NCOA2: variants seen among roughly 807,000 people sequenced by gnomAD.
NCOA2 encodes class E basic helix-loop-helix protein 75.
In NCOA2, 21 loss-of-function variants were observed where a neutral mutation model predicts 145.1. The ratio of observed to expected loss-of-function variants is 0.14; its 90% confidence interval spans 0.10 to 0.21. The LOEUF (loss-of-function observed/expected upper bound fraction) is 0.21. Ranked by LOEUF, NCOA2 falls within the 10% of genes least tolerant of loss-of-function variation. The probability of loss-of-function intolerance (pLI) is 1.00; values close to 1 mark genes in which losing one functional copy is unlikely to be tolerated. For synonymous variants in NCOA2, 619 were observed against 637.5 expected (o/e 0.97, Z 0.44); for missense variants, 1,472 against 1,837.6 (o/e 0.80, Z 3.64).
At chr8:70,453,128 T>C in the NCOA2 span, among the ~76,000 whole-genome samples, 6 of 152,250 alleles carry the variant, frequency 3.9e-5, no homozygotes, top group Middle Eastern at 3.2e-3. Context: ...GAGGAGCCTA[T>C]TCGCCTAATG....
At chr8:70,307,379 C>A (rs910777502) in intron 1 of NCOA2, among the ~76,000 whole-genome samples, 9 of 152,070 alleles carry the variant, frequency 5.9e-5, no homozygotes, top group African/African-American at 2.2e-4. Flanking sequence ...AGGTGGGAGA[C>A]AGCTAGGAAA....
intron 2 of NCOA2, among the ~76,000 whole-genome samples, chr8:70,251,673 G>T (rs1476889323): frequency 6.6e-6 from 1 of 152,184 alleles, no homozygotes; most frequent in Non-Finnish European, 1.5e-5. Flanking sequence ...AATGCCAAAG[G>T]CTCAGAGAAA....
rs186149029 is a variant in NCOA2, at chr8:70,376,096, G to A, written c.-77+27604C>T. 9.4e-3 allele frequency among the ~76,000 whole-genome samples: 1,423 copies of A among 152,178 alleles called. 22 individuals carry two copies. Among genetic ancestry groups the A allele is most frequent in the African/African-American group, 0.032 (1,321 of 41,508 alleles). On this transcript the variant is annotated intron_variant, in intron 1 of 22. Coordinates refer to ENST00000452400, the MANE Select transcript of NCOA2 (RefSeq NM_006540.4). Reference sequence around the variant, plus strand: ...AACACTGTCTGAGAGTCGTTATTCCGTAATACACCAGTAGTAAAGAAGACA... The same window carrying A: ...AACACTGTCTGAGAGTCGTTATTCCATAATACACCAGTAGTAAAGAAGACA...
intron 2 of NCOA2, among the ~76,000 whole-genome samples, chr8:70,271,063 T>G (rs1586320934): frequency 6.6e-6 from 1 of 152,196 alleles, no homozygotes; most frequent in Admixed American, 6.5e-5. Flanking sequence ...TAATATGCAA[T>G]AGAGGGGAAG....
At chr8:70,153,967 C>G (rs1282037219) in intron 11 of NCOA2, among the ~76,000 whole-genome samples, 3 of 152,242 alleles carry the variant, frequency 2.0e-5, no homozygotes, top group East Asian at 1.9e-4. Flanking sequence ...TAGCAGCTGT[C>G]GAGACATCAA....
chr8:70,165,566 T>C (rs1813514546), intron 7 of NCOA2, among the ~76,000 whole-genome samples: 1 of 152,336 alleles, frequency 6.6e-6, no homozygotes, highest in South Asian at 2.1e-4. Context: ...CTGCCTTGTA[T>C]TAGAGTGACA....
intron 1 of NCOA2, among the ~76,000 whole-genome samples, chr8:70,384,810 A>G (rs1036198122): frequency 6.6e-6 from 1 of 152,224 alleles, no homozygotes; most frequent in African/African-American, 2.4e-5. Flanking sequence ...ACAGGAATGT[A>G]ACAGGGACAG....
the NCOA2 span, among the ~76,000 whole-genome samples, chr8:70,444,772 G>A: frequency 6.6e-6 from 1 of 152,268 alleles, no homozygotes; most frequent in East Asian, 1.9e-4. Context: ...ATAGAATGCA[G>A]ATCTTTGAAA....
chr8:70,435,640 A>C, the NCOA2 span, among the ~76,000 whole-genome samples: 2 of 151,038 alleles, frequency 1.3e-5, no homozygotes, highest in Non-Finnish European at 2.9e-5. Context: ...ACACATGTAA[A>C]ATACCTAGCA....
At chr8:70,252,421 A>C (rs1465331713) in intron 2 of NCOA2, among the ~76,000 whole-genome samples, 3 of 152,210 alleles carry the variant, frequency 2.0e-5, no homozygotes, top group Non-Finnish European at 4.4e-5. Context: ...TTTTTAAAAA[A>C]TAAAACAAAA....
At chr8:70,196,248 C>T (rs191398448) in intron 4 of NCOA2, among the ~76,000 whole-genome samples, 67 of 152,148 alleles carry the variant, frequency 4.4e-4, no homozygotes, top group African/African-American at 1.3e-3. Flanking sequence ...TAGTGGTGCA[C>T]GTCTGTAATC....
At chr8:70,218,624 G>T (rs1034825645) in intron 2 of NCOA2, among the ~76,000 whole-genome samples, 6 of 152,080 alleles carry the variant, frequency 3.9e-5, no homozygotes, top group African/African-American at 1.4e-4. Context: ...ACCCTTCTCA[G>T]ATGATACCTT....
intron 4 of NCOA2, among the ~76,000 whole-genome samples, chr8:70,202,761 A>G (rs1349191666): frequency 6.6e-6 from 1 of 152,220 alleles, no homozygotes; most frequent in Non-Finnish European, 1.5e-5. Context: ...CCACTGTACA[A>G]CAATGTGCAT....
the NCOA2 span, among the ~76,000 whole-genome samples, chr8:70,433,010 C>T: frequency 6.6e-6 from 1 of 152,090 alleles, no homozygotes; most frequent in Non-Finnish European, 1.5e-5. Context: ...CCAGTTTTAG[C>T]AATAACTATA....
At chr8:70,153,088 TC>T (rs1811921096) in intron 11 of NCOA2, among the ~76,000 whole-genome samples, 1 of 152,254 alleles carries the variant, frequency 6.6e-6, no homozygotes. Context: ...AATGCACACT[TC>T]CTGTGGTAAC....
At chr8:70,440,515 A>T in the NCOA2 span, among the ~76,000 whole-genome samples, 1 of 151,834 alleles carries the variant, frequency 6.6e-6, no homozygotes, top group African/African-American at 2.4e-5. Context: ...CAGAGGTGGC[A>T]GTGGGCCGAG....
At chr8:70,415,666 T>G in the NCOA2 span, among the ~76,000 whole-genome samples, 2 of 152,186 alleles carry the variant, frequency 1.3e-5, no homozygotes, top group African/African-American at 4.8e-5. Flanking sequence ...TGGCTCTTAC[T>G]TTGCTGGGCA....
At chr8:70,416,423 C>G in the NCOA2 span, among the ~76,000 whole-genome samples, 5 of 152,124 alleles carry the variant, frequency 3.3e-5, no homozygotes, top group Admixed American at 1.3e-4. Context: ...TACTTAATCT[C>G]CAAGTGAAGA....
intron 1 of NCOA2, among the ~76,000 whole-genome samples, chr8:70,337,221 G>A (rs1380837490): frequency 6.6e-6 from 1 of 152,004 alleles, no homozygotes; most frequent in Non-Finnish European, 1.5e-5. Context: ...GTGTGTGTGT[G>A]TGTGTGTGTG....
Sources: allele counts gnomAD v4.1 joint callset (sites outside exome capture counted in the v4.1 genomes callset), GRCh38; gene constraint gnomAD v4.1.1; transcripts MANE v1.5; gene names NCBI Gene and HGNC (gene_info 2026-07-23, HGNC 2026-07-21).